The following ZNF514 variants were observed in gnomAD, a reference collection of about 807,000 sequenced individuals.
ZNF514 encodes zinc finger protein 514.
Under a neutral mutation model 9.7 loss-of-function variants are expected in ZNF514, and 12 were observed. The observed-to-expected ratio is 1.24, with a 90% CI of 0.79 to 2.01. The LOEUF (loss-of-function observed/expected upper bound fraction) is 2.01, where lower values mean the gene tolerates loss of function less well. ZNF514 is among the 30% of genes most tolerant of loss of function. ZNF514 has a pLI of 0.00. For synonymous variants in ZNF514, 158 were observed against 163.7 expected (o/e 0.97, Z 0.27); for missense variants, 467 against 465.5 (o/e 1.00, Z -0.03).
chr2:95,140,486 G>A (rs973613941), downstream of ZNF514, among the ~76,000 whole-genome samples: 10 of 151,876 alleles, frequency 6.6e-5, no homozygotes, highest in African/African-American at 9.7e-5. Flanking sequence ...CAGGTGTGGT[G>A]GCATTTGCCT....
chr2:95,123,300 C>T, the ZNF514 span, among the ~76,000 whole-genome samples: 1 of 152,192 alleles, frequency 6.6e-6, no homozygotes, highest in Non-Finnish European at 1.5e-5. Context: ...TTTCCTAGAC[C>T]TCTTTGTCAC....
chr2:95,134,575 C>T, the ZNF514 span, among the ~76,000 whole-genome samples: 1 of 152,170 alleles, frequency 6.6e-6, no homozygotes, highest in Admixed American at 6.5e-5. Context: ...AGTTTTAGAA[C>T]ATCTATTATT....
intron 4 of ZNF514, among the ~76,000 whole-genome samples, chr2:95,152,176 C>T (rs1361046990): frequency 6.6e-6 from 1 of 152,228 alleles, no homozygotes; most frequent in African/African-American, 2.4e-5. Context: ...CTGTTAACAG[C>T]TGTCAAGGAG....
At chr2:95,142,083 T>C (rs1673248987), downstream of ZNF514, among the ~76,000 whole-genome samples, 1 of 152,194 alleles carries the variant, frequency 6.6e-6, no homozygotes, top group Admixed American at 6.5e-5. Context: ...TTGTCTCTTT[T>C]CTTTCATTTT....
chr2:95,139,600 TGA>T, the ZNF514 span, among the ~76,000 whole-genome samples: 1 of 53,190 alleles, frequency 1.9e-5, no homozygotes, highest in Non-Finnish European at 3.5e-5. Context: ...GTAAATAACT[TGA>T]TTTTTTTTAT....
rs1374546053 is a variant in ZNF514 at position 95,159,522 on chromosome 2, G to T, written c.-378C>A. The T allele has an allele frequency of 6.5e-6, 1 of 152,848 alleles. No homozygotes were observed. The highest frequency in any genetic ancestry group is 1.5e-5 in the Non-Finnish European group (1 of 68,290). 9.5% of individuals were successfully genotyped at this position (152,848 alleles called of 1,614,324 possible). On this transcript the variant is annotated 5_prime_UTR_variant, in exon 1 of 5. Coordinates refer to ENST00000295208, the MANE Select transcript of ZNF514 (RefSeq NM_032788.3). ...GGAGGGACACACCCAGCTCTGTAAG[G>T]GGCCGGGGCGCGGGCCCAGTACAGG... is the stretch of plus-strand genomic sequence containing the variant.
At chr2:95,126,723 T>C in the ZNF514 span, among the ~76,000 whole-genome samples, 3 of 152,344 alleles carry the variant, frequency 2.0e-5, no homozygotes, top group East Asian at 3.9e-4. Context: ...CACTGCTGTG[T>C]TTTGAGAATT....
the ZNF514 span, among the ~76,000 whole-genome samples, chr2:95,128,510 C>T: frequency 2.6e-5 from 4 of 151,690 alleles, no homozygotes; most frequent in Admixed American, 1.3e-4. Context: ...GAGCCAAGAT[C>T]GAACCACTGC....
Position 95,149,407 on chromosome 2 carries a change from TGA to T in ZNF514, c.1076_1077del (p.Leu359HisfsTer16). 6.2e-7 allele frequency: 1 copy of T among 1,613,100 alleles called. No individual in the cohort carries two copies. Among genetic ancestry groups the T allele is most frequent in the Non-Finnish European group, 8.5e-7 (1 of 1,179,764 alleles). ...CGRAFSQSSS[L>X]TQHYRFHTGE... ...CCAGTGTGAAATCTGTAATGTTGAG[TGA>T]GAGATGAACTCTGGCTGAAGGCTCT... On this transcript the variant is annotated frameshift_variant, in exon 5 of 5. Transcript: ENST00000295208. LOFTEE classifies it low-confidence loss of function (END_TRUNC).
chr2:95,149,111 C>T lies in ZNF514; in HGVS notation c.*171G>A. On this transcript the variant is annotated 3_prime_UTR_variant, in exon 5 of 5. Coordinates refer to ENST00000295208, the MANE Select transcript of ZNF514 (RefSeq NM_032788.3). ...CCATGTTTGGTAAGAGAGGGGAAGCCCACCCCCTCTTGACATTGACAGGGA... is the reference window on the plus strand; with the variant it reads ...CCATGTTTGGTAAGAGAGGGGAAGCTCACCCCCTCTTGACATTGACAGGGA... 3 of 796,382 alleles carry T rather than the reference C, an allele frequency of 3.8e-6. No homozygotes were observed. The highest frequency in any genetic ancestry group is 1.9e-6 in the Non-Finnish European group (1 of 528,256). 49.3% of individuals were successfully genotyped at this position (796,382 alleles called of 1,614,324 possible).
At chr2:95,133,701 G>T in the ZNF514 span, among the ~76,000 whole-genome samples, 1 of 152,102 alleles carries the variant, frequency 6.6e-6, no homozygotes, top group Non-Finnish European at 1.5e-5. Flanking sequence ...CATTTACATT[G>T]TATCAGGTGT....
At position 95,159,382 on chromosome 2, in the gene ZNF514, A is replaced by C. The variant is rs1160286156; in HGVS notation, c.-238T>G. ...GGCCCAGCGCTCTTCAGCTGCCCGGAAACAGCAGGGATTCGGTGAGAGCCT... is the reference window on the plus strand; with the variant it reads ...GGCCCAGCGCTCTTCAGCTGCCCGGCAACAGCAGGGATTCGGTGAGAGCCT... On this transcript the variant is annotated 5_prime_UTR_variant, in exon 1 of 5. Coordinates refer to ENST00000295208, the MANE Select transcript of ZNF514 (RefSeq NM_032788.3). 3.7e-5 allele frequency: 6 copies of C among 163,452 alleles called. No homozygotes were observed. Among genetic ancestry groups the C allele is most frequent in the Non-Finnish European group, 8.0e-5 (6 of 75,386 alleles). The allele number at this position is 163,452 out of a possible 1,614,324, so 10.1% of individuals were successfully genotyped here.
At chr2:95,139,908 C>T in the ZNF514 span, among the ~76,000 whole-genome samples, 1 of 151,828 alleles carries the variant, frequency 6.6e-6, no homozygotes, top group Admixed American at 6.6e-5. Context: ...GGAAAAAGTG[C>T]TTACAAGATC....
chr2:95,130,655 T>C, the ZNF514 span, among the ~76,000 whole-genome samples: 1 of 152,244 alleles, frequency 6.6e-6, no homozygotes, highest in African/African-American at 2.4e-5. Flanking sequence ...AAGGGAAATA[T>C]AGCTCTGTTC....
intron 4 of ZNF514, 95 bp downstream of exon 4, chr2:95,152,579 T>A (rs1312282344): frequency 1.0e-6 from 1 of 980,914 alleles, no homozygotes; most frequent in African/African-American, 1.6e-5. Context: ...AGTGATCTCA[T>A]CTTCTGAAAG....
chr2:95,145,527 A>G lies in ZNF514; in HGVS notation c.*3755T>C, dbSNP rs1419105492. Among the ~76,000 whole-genome samples, 1 of 152,188 alleles carries G rather than the reference A, an allele frequency of 6.6e-6. No homozygotes were observed. The highest frequency in any genetic ancestry group is 2.4e-5 in the African/African-American group (1 of 41,448). On this transcript the variant is annotated 3_prime_UTR_variant, in exon 5 of 5. Coordinates refer to ENST00000295208, the MANE Select transcript of ZNF514 (RefSeq NM_032788.3). ...TCTCACAGTAAGAACCTTGGTCTCC[A>G]CAACACCTTATCTTAACCCAGACAT... is the stretch of plus-strand genomic sequence containing the variant.
the ZNF514 span, among the ~76,000 whole-genome samples, chr2:95,132,144 CAAAAAAAA>C: frequency 1.1e-3 from 19 of 16,612 alleles, no homozygotes; most frequent in African/African-American, 3.6e-3. Context: ...GACTCTGTCT[CAAAAAAAA>C]AAAAAAAAAA....
Position 95,147,966 on chromosome 2 carries a change from A to C in ZNF514, c.*1316T>G, listed in dbSNP as rs1673410078. The C allele has an allele frequency of 6.6e-6, 1 of 152,218 alleles. No individual in the cohort carries two copies. The highest frequency in any genetic ancestry group is 2.4e-5 in the African/African-American group (1 of 41,450). The allele number at this position is 152,218 out of a possible 1,614,324, so 9.4% of individuals were successfully genotyped here. A position where few individuals can be genotyped will look rare whatever the true frequency, so the allele number is the denominator to read the frequency against. On this transcript the variant is annotated 3_prime_UTR_variant, in exon 5 of 5. Transcript: ENST00000295208. ...TTTTAGTAATTTTAATGTTTAAACA[A>C]GGTTTCATTTCATTTCAAAAATTCC...
the ZNF514 span, among the ~76,000 whole-genome samples, chr2:95,129,467 G>C: frequency 1.3e-5 from 2 of 152,100 alleles, no homozygotes; most frequent in Non-Finnish European, 2.9e-5. Context: ...TGTCTCGCTG[G>C]GAAAGGCAGA....
Sources: gnomAD v4.1 joint callset for allele counts (sites outside exome capture counted in the v4.1 genomes callset) on GRCh38, gnomAD v4.1.1 for gene constraint, MANE v1.5 for transcripts, NCBI Gene and HGNC (gene_info 2026-07-23, HGNC 2026-07-21) for gene names.